The following CDHR2 variants were observed in gnomAD, a reference collection of about 807,000 sequenced individuals.
CDHR2 encodes the protein cadherin related family member 2, also known as cadherin-related family member 2.
In CDHR2, 104 loss-of-function variants were observed where a neutral mutation model predicts 138.6. The observed-to-expected ratio is 0.75, with a 90% CI of 0.64 to 0.88. CDHR2 has a LOEUF of 0.88. CDHR2 is among the 40% of genes least tolerant of loss of function. The pLI, the probability that CDHR2 is intolerant of heterozygous loss-of-function variation, is 0.00. For synonymous variants in CDHR2, 755 were observed against 742.8 expected, an observed-to-expected ratio of 1.02 and a Z score of -0.27; for missense variants, 1,624 against 1,727.6, an observed-to-expected ratio of 0.94 and a Z score of 1.06.
chr5:176,581,301 G>C (rs1386986904), intron 16 of CDHR2, 42 bp from the exon 17 acceptor site: 4 of 1,605,104 alleles, frequency 2.5e-6, no homozygotes, highest in Non-Finnish European at 3.4e-6. Context: ...TGGGGGCTGG[G>C]AATGCCGATG....
At chr5:176,555,750 T>A (rs1321144580) in intron 1 of CDHR2, among the ~76,000 whole-genome samples, 1 of 150,188 alleles carries the variant, frequency 6.7e-6, no homozygotes, top group East Asian at 2.0e-4. Context: ...CTACTAAAAA[T>A]AAAAAAATTA....
At chr5:176,568,443 T>C (rs1023855275) in intron 3 of CDHR2, among the ~76,000 whole-genome samples, 1 of 151,732 alleles carries the variant, frequency 6.6e-6, no homozygotes, top group African/African-American at 2.4e-5. Flanking sequence ...AGGGGAGGGG[T>C]AGATGCCTGG....
At position 176,575,229 on chromosome 5, in the gene CDHR2, G is replaced by A; in HGVS notation, c.621+20G>A. 3 of 1,614,112 alleles carry A rather than the reference G, an allele frequency of 1.9e-6. No individual in the cohort carries two copies. The African/African-American group carries it at 4.0e-5, about 22-fold the overall frequency. On this transcript the variant is annotated intron_variant, in intron 8 of 31. Coordinates refer to ENST00000261944, the MANE Select transcript of CDHR2 (RefSeq NM_017675.6). The stretch of plus-strand genomic sequence containing the variant: ...GCCTGTGTGAGTGGGGGTGCCGGCA[G>A]GCGGGCCTAGGACCCACGGCGCTGG...
intron 20 of CDHR2, 39 bp from the exon 21 acceptor site, chr5:176,586,754 T>C (rs1433226837): frequency 1.3e-6 from 2 of 1,573,460 alleles, no homozygotes; most frequent in Non-Finnish European, 1.7e-6. Context: ...GTGGGCAGTG[T>C]CCCGACCCCG....
At chr5:176,588,569 G>T in intron 21 of CDHR2, among the ~76,000 whole-genome samples, 1 of 148,222 alleles carries the variant, frequency 6.7e-6, no homozygotes, top group Admixed American at 6.7e-5. Flanking sequence ...GGGACAGTGT[G>T]TGAGAGTGTG....
upstream of CDHR2, among the ~76,000 whole-genome samples, chr5:176,549,072 G>A (rs1757647954): frequency 6.6e-6 from 1 of 152,160 alleles, no homozygotes; most frequent in Non-Finnish European, 1.5e-5. Flanking sequence ...CACCGTCCCC[G>A]CCTCCAGCCT....
At chr5:176,578,012 C>G (rs1480617755) in intron 14 of CDHR2, 22 bp from the exon 15 acceptor site, 1 of 1,604,060 alleles carries the variant, frequency 6.2e-7, no homozygotes, top group Admixed American at 1.7e-5. Context: ...ACACAGCACC[C>G]TGCCATGTCT....
At chr5:176,552,326 GAA>G (rs1421634614) in intron 1 of CDHR2, among the ~76,000 whole-genome samples, 4 of 152,254 alleles carry the variant, frequency 2.6e-5, no homozygotes, top group African/African-American at 4.8e-5. Context: ...AGAAGGCAAA[GAA>G]AGACATTCTG....
intron 1 of CDHR2, among the ~76,000 whole-genome samples, chr5:176,563,214 G>C (rs1758005005): frequency 6.6e-6 from 1 of 152,168 alleles, no homozygotes; most frequent in Non-Finnish European, 1.5e-5. Context: ...CCAGTGTGGT[G>C]GTGGGTGCCT....
At chr5:176,545,458 T>TA (rs776316303), upstream of CDHR2, among the ~76,000 whole-genome samples, 2 of 152,090 alleles carry the variant, frequency 1.3e-5, no homozygotes, top group African/African-American at 4.8e-5. Context: ...TTTTTCTGAT[T>TA]AAAAAAAATT....
chr5:176,565,856 A>G (rs1470122195), intron 3 of CDHR2, 113 bp downstream of exon 3: 1 of 753,896 alleles, frequency 1.3e-6, no homozygotes, highest in Admixed American at 2.5e-5. Context: ...ATTGTGGGAC[A>G]AAGAGGGACT....
At chr5:176,592,872 A>G (rs1483471726) in intron 31 of CDHR2, 92 bp downstream of exon 31, 16 of 1,122,384 alleles carry the variant, frequency 1.4e-5, no homozygotes, top group Non-Finnish European at 2.0e-5. Flanking sequence ...TGCTACTGAC[A>G]TGGGCAGTTC....
At chr5:176,590,960 T>A (rs1289670245) in intron 28 of CDHR2, among the ~76,000 whole-genome samples, 1 of 152,224 alleles carries the variant, frequency 6.6e-6, no homozygotes, top group Non-Finnish European at 1.5e-5. Context: ...CACTATGCGT[T>A]TAATAGATGC....
upstream of CDHR2, among the ~76,000 whole-genome samples, chr5:176,548,692 A>G (rs1055035555): frequency 6.6e-6 from 1 of 152,116 alleles, no homozygotes; most frequent in Non-Finnish European, 1.5e-5. Flanking sequence ...GCAGTGAGCC[A>G]AGATTGTGCC....
intron 1 of CDHR2, among the ~76,000 whole-genome samples, chr5:176,558,878 T>C (rs1757904227): frequency 4.6e-5 from 7 of 152,226 alleles, no homozygotes; most frequent in Admixed American, 4.6e-4. Context: ...GCCAGAGGTG[T>C]AAATCTCATT....
At chr5:176,560,164 A>G (rs1187123145) in intron 1 of CDHR2, among the ~76,000 whole-genome samples, 4 of 152,230 alleles carry the variant, frequency 2.6e-5, no homozygotes, top group Non-Finnish European at 5.9e-5. Context: ...TGGGAGACCG[A>G]GGCGGGCAGA....
At chr5:176,581,245 G>A (rs1477582735) in intron 16 of CDHR2, 98 bp from the exon 17 acceptor site, 2 of 1,498,224 alleles carry the variant, frequency 1.3e-6, no homozygotes, top group Admixed American at 1.9e-5. Context: ...ATGACTGCCT[G>A]CGTGGGCCAG....
chr5:176,571,368 A>T, intron 6 of CDHR2, 66 bp downstream of exon 6: 36 of 1,174,144 alleles, frequency 3.1e-5, no homozygotes, highest in Non-Finnish European at 4.3e-5. Context: ...GAGTAGGAAG[A>T]GCCAGAGACA....
intron 14 of CDHR2, 45 bp downstream of exon 14, chr5:176,577,843 GGC>G: frequency 1.3e-6 from 2 of 1,594,452 alleles, no homozygotes; most frequent in African/African-American, 1.4e-5. Context: ...CCAGCAAGCG[GGC>G]GTGCATGTGT....
Sources: gnomAD v4.1 joint callset for allele counts (sites outside exome capture counted in the v4.1 genomes callset) on GRCh38, gnomAD v4.1.1 for gene constraint, MANE v1.5 for transcripts, NCBI Gene and HGNC (gene_info 2026-07-23, HGNC 2026-07-21) for gene names.